DGKK: variants seen among roughly 807,000 people sequenced by gnomAD.
The protein encoded by DGKK is diacylglycerol kinase kappa.
Under a neutral mutation model 92.2 loss-of-function variants are expected in DGKK, and 35 were observed. That is an observed-to-expected ratio of 0.38 (90% CI 0.29 to 0.50). The LOEUF is 0.50. DGKK is among the 20% of genes least tolerant of loss of function. The pLI is 0.92. For missense variants in DGKK, 910 were observed against 992.2 expected (o/e 0.92, Z 1.11); for synonymous variants, 368 against 360.6 (o/e 1.02, Z -0.23).
intron 1 of DGKK, among the ~76,000 whole-genome samples, chrX:50,456,664 A>T (rs782383714): frequency 2.1e-3 from 240 of 111,858 alleles, no homozygotes; most frequent in African/African-American, 7.4e-3. Flanking sequence ...GAGATAAATC[A>T]TCATTCTCAT....
chrX:50,402,136 G>A (rs932497048), intron 7 of DGKK, among the ~76,000 whole-genome samples: 15 of 111,923 alleles, frequency 1.3e-4, no homozygotes, highest in Non-Finnish European at 2.6e-4. Context: ...GGCTGGGAAC[G>A]GTGGCTTATG....
intron 1 of DGKK, among the ~76,000 whole-genome samples, chrX:50,429,529 C>CAA (rs782423706): frequency 3.7e-5 from 4 of 107,860 alleles, no homozygotes; most frequent in Non-Finnish European, 7.7e-5. Flanking sequence ...ACTAAAAATA[C>CAA]AAAAAAAAAA....
At chrX:50,435,129 A>G (rs2147141691) in intron 1 of DGKK, among the ~76,000 whole-genome samples, 1 of 112,626 alleles carries the variant, frequency 8.9e-6, no homozygotes, top group Admixed American at 9.4e-5. Flanking sequence ...TAAATATACA[A>G]TATTATAATC....
At chrX:50,381,444 G>A (rs1924412743) in intron 18 of DGKK, among the ~76,000 whole-genome samples, 1 of 111,318 alleles carries the variant, frequency 9.0e-6, no homozygotes, top group African/African-American at 3.3e-5. Flanking sequence ...CTCCAGCCTA[G>A]GCGACAGAAC....
intron 2 of DGKK, among the ~76,000 whole-genome samples, chrX:50,423,832 AT>A (rs1925665940): frequency 8.9e-6 from 1 of 111,982 alleles, no homozygotes; most frequent in Non-Finnish European, 1.9e-5. Context: ...TTAAAATCGT[AT>A]TTTTCTTTAC....
rs371845193 is a variant in DGKK, at chrX:50,401,131, A to G, written c.1317T>C (p.Asp439=). 30 of 1,194,219 alleles carry G rather than the reference A, an allele frequency of 2.5e-5. No homozygotes were observed. Among genetic ancestry groups the G allele is most frequent in the Non-Finnish European group, 1.9e-5 (17 of 886,514 alleles). The change falls in exon 8 of 28, where the codon GAT becomes GAC. Residue 439 remains aspartate, a synonymous_variant. Transcript: ENST00000611977. The part of the protein sequence containing the change: ...RCLWCNSTVH[D]DCRRRFSKEC... ...CCTTGGAAAACCGTCTCCTACAGTC[A>G]TCATGCACCTGAAACGACAAGAGAA...
Position 50,470,173 on chromosome X carries a change from G to T in DGKK, c.506C>A (p.Ala169Glu), listed in dbSNP as rs929307790. The stretch of plus-strand genomic sequence containing the variant: ...TGGACTTGGACGGAACTCTGGAGCC[G>T]CCTCAGGGCAGAACTCTGGGGCCAG... ...TELAPEFCPE[A>E]APEFRPSPAP... The change falls in exon 1 of 28, where the codon GCG (alanine) becomes GAG (glutamate). Residue 169 changes from alanine to glutamate, a missense_variant. Transcript: ENST00000611977. 2 of 1,210,770 alleles carry T rather than the reference G, an allele frequency of 1.7e-6. No homozygotes were observed. Among genetic ancestry groups the T allele is most frequent in the South Asian group, 3.5e-5 (2 of 56,852 alleles).
chrX:50,470,042 T>C lies in DGKK; in HGVS notation c.637A>G (p.Arg213Gly). ...GGGGGTCTTTTGCTTACCTTTATTC[T>C]GGACCACGACATTGGCGTTCTGGGC... ...PSPRTPMSWS[R>G]IKKILKEGPM... The change falls in exon 1 of 28, where the codon AGA becomes GGA. Residue 213 changes from arginine to glycine, a missense_variant. Transcript: ENST00000611977. The C allele has an allele frequency of 8.3e-7, 1 of 1,202,195 alleles. No individual in the cohort carries two copies. The highest frequency in any genetic ancestry group is 1.1e-6 in the Non-Finnish European group (1 of 890,411).
chrX:50,416,266 G>C (rs150855806), intron 4 of DGKK, among the ~76,000 whole-genome samples: 2 of 111,831 alleles, frequency 1.8e-5, no homozygotes, highest in African/African-American at 6.5e-5. Flanking sequence ...ATGGCAGCCT[G>C]AACTAAGACA....
intron 1 of DGKK, among the ~76,000 whole-genome samples, chrX:50,469,380 C>T (rs1926991502): frequency 8.9e-6 from 1 of 112,915 alleles, no homozygotes; most frequent in South Asian, 3.6e-4. Flanking sequence ...GGCTTCGACA[C>T]ACGCATGCTC....
Position 50,375,051 on chromosome X carries a change from T to C in DGKK, c.3421A>G (p.Ser1141Gly), listed in dbSNP as rs1924235137. ...AASCIPIETLSRNDAVDVTFS... is the reference protein window; with the variant it reads ...AASCIPIETLGRNDAVDVTFS... The stretch of plus-strand genomic sequence containing the variant: ...GTAACATCTACGGCATCATTTCTGC[T>C]TAGAGTCTGAGAGGAAAAGAACGGA... The change falls in exon 25 of 28, where the codon AGC becomes GGC. Residue 1141 changes from serine to glycine, a missense_variant. Coordinates refer to ENST00000611977, the MANE Select transcript of DGKK (RefSeq NM_001013742.4). The C allele has an allele frequency of 8.3e-7, 1 of 1,200,119 alleles. No individual in the cohort carries two copies. The highest frequency in any genetic ancestry group is 1.1e-6 in the Non-Finnish European group (1 of 887,751).
At chrX:50,453,325 T>C (rs1926535807) in intron 1 of DGKK, among the ~76,000 whole-genome samples, 1 of 111,610 alleles carries the variant, frequency 9.0e-6, no homozygotes, top group South Asian at 3.8e-4. Flanking sequence ...ATCTGCACAA[T>C]GGGAATTAAA....
rs782147361 is a variant in DGKK, at chrX:50,386,547, C to T, written c.2158G>A (p.Val720Ile). 5.0e-6 allele frequency: 6 copies of T among 1,210,795 alleles called. No individual in the cohort carries two copies. The South Asian group carries it at 8.8e-5, about 18-fold the overall frequency. ...MYDRLSVLIDVLAEEAAATSA... is the reference protein window; with the variant it reads ...MYDRLSVLIDILAEEAAATSA... ...GTAGCTGCTGCCTCCTCAGCCAGGA[C>T]ATCGATCAGGACACTGAGCCTATCA... The change falls in exon 15 of 28, where the codon GTC becomes ATC. Residue 720 changes from valine (V) to isoleucine (I), a missense_variant. Transcript: ENST00000611977.
intron 1 of DGKK, among the ~76,000 whole-genome samples, chrX:50,451,419 C>T (rs144445566): frequency 4.2e-3 from 463 of 111,346 alleles, no homozygotes; most frequent in African/African-American, 0.014. Context: ...GAAAGTTCAT[C>T]GTCATCCTCA....
intron 4 of DGKK, among the ~76,000 whole-genome samples, chrX:50,412,894 G>A (rs1173995133): frequency 7.2e-5 from 8 of 111,496 alleles, no homozygotes; most frequent in Non-Finnish European, 1.5e-4. Context: ...TAGGAACCAG[G>A]CCGCACAATA....
intron 1 of DGKK, among the ~76,000 whole-genome samples, chrX:50,463,585 C>T (rs1272410821): frequency 9.8e-6 from 1 of 102,285 alleles, no homozygotes; most frequent in African/African-American, 3.6e-5. Context: ...CTCCCTCTCT[C>T]CTTCTCCCCT....
chrX:50,461,222 T>C (rs1217063917), intron 1 of DGKK, among the ~76,000 whole-genome samples: 1 of 112,037 alleles, frequency 8.9e-6, no homozygotes, highest in Non-Finnish European at 1.9e-5. Flanking sequence ...AGACAGGAGT[T>C]TGACTAGATG....
chrX:50,384,748 T>G lies in DGKK; in HGVS notation c.2424A>C (p.Glu808Asp). 8.3e-7 allele frequency: 1 copy of G among 1,210,816 alleles called. No individual in the cohort carries two copies. Among genetic ancestry groups the G allele is most frequent in the South Asian group, 1.8e-5 (1 of 56,851 alleles). ...GTCGTGGGCTTGTCTGGTTAATATCTTCTGGGTCATCTTCCAGGAAGAAAG... is the reference window on the plus strand; with the variant it reads ...GTCGTGGGCTTGTCTGGTTAATATCGTCTGGGTCATCTTCCAGGAAGAAAG... ...SSTFFLEDDP[E>D]DINQTSPRRR... is the part of the protein sequence containing the mutation. The change falls in exon 16 of 28, where the codon GAA becomes GAC. Residue 808 changes from glutamate (E) to aspartate (D), a missense_variant. By Grantham distance (45) the Glu-to-Asp change is conservative (BLOSUM62 2). Transcript: ENST00000611977.
In DGKK at chrX:50,367,762, G is replaced by A. The variant is rs1485420783; in HGVS notation, c.*1178C>T. 2 of 111,486 alleles carry A rather than the reference G, an allele frequency of 1.8e-5. No individual in the cohort carries two copies. The highest frequency in any genetic ancestry group is 3.8e-5 in the Non-Finnish European group (2 of 53,087). 9.2% of individuals were successfully genotyped at this position (111,486 alleles called of 1,213,427 possible). A position where few individuals can be genotyped will look rare whatever the true frequency, so the allele number is the denominator to read the frequency against. On this transcript the variant is annotated 3_prime_UTR_variant, in exon 28 of 28. Coordinates refer to ENST00000611977, the MANE Select transcript of DGKK (RefSeq NM_001013742.4). ...TCTAGGACAGATAGAGCAAAAAAAG[G>A]CAGCATGCCAGCTTAAACCCCTTCT...
Sources: allele counts gnomAD v4.1 joint callset (sites outside exome capture counted in the v4.1 genomes callset), GRCh38; gene constraint gnomAD v4.1.1; transcripts MANE v1.5; gene names NCBI Gene and HGNC (gene_info 2026-07-23, HGNC 2026-07-21).